The following THSD7B variants were observed in gnomAD, a reference collection of about 807,000 sequenced individuals.
THSD7B encodes thrombospondin type 1 domain containing 7B, also known as thrombospondin type-1 domain-containing protein 7B.
In THSD7B, 138 loss-of-function variants were observed where a neutral mutation model predicts 213.6. The observed-to-expected ratio is 0.65, with a 90% CI of 0.56 to 0.74. The LOEUF (loss-of-function observed/expected upper bound fraction) is 0.74, where lower values mean the gene tolerates loss of function less well. Ranked by LOEUF, THSD7B falls within the 30% of genes least tolerant of loss-of-function variation. The pLI, the probability that THSD7B is intolerant of heterozygous loss-of-function variation, is 0.00. For missense variants in THSD7B, 1,931 were observed against 1,991.5 expected, an observed-to-expected ratio of 0.97 and a Z score of 0.58; for synonymous variants, 742 against 687.0, an observed-to-expected ratio of 1.08 and a Z score of -1.25.
At chr2:136,929,847 A>G (rs1684598884) in intron 2 of THSD7B, among the ~76,000 whole-genome samples, 1 of 152,194 alleles carries the variant, frequency 6.6e-6, no homozygotes, top group Admixed American at 6.5e-5. Flanking sequence ...GCATGACTAG[A>G]TGAAGATGAC....
chr2:136,803,698 A>C (rs528888425), intron 1 of THSD7B, among the ~76,000 whole-genome samples: 20 of 152,340 alleles, frequency 1.3e-4, no homozygotes, highest in Middle Eastern at 3.4e-3. Context: ...GGAGCTGAGA[A>C]GTCTGACAAT....
chr2:136,833,473 T>TGACC (rs1682793740), intron 1 of THSD7B, among the ~76,000 whole-genome samples: 1 of 150,834 alleles, frequency 6.6e-6, no homozygotes, highest in African/African-American at 2.4e-5. Context: ...GTACTTTTAA[T>TGACC]GACCAATCTC....
At chr2:137,348,703 C>CTTTTTTTTTTTTTTTTTTT (rs80150345) in intron 12 of THSD7B, among the ~76,000 whole-genome samples, 7 of 110,934 alleles carry the variant, frequency 6.3e-5, no homozygotes, top group Non-Finnish European at 1.1e-4. Context: ...CTATGAACTC[C>CTTTTTTTTTTTTTTTTTTT]TTTTTTTTTT....
At chr2:137,023,698 A>G (rs908145918) in intron 2 of THSD7B, among the ~76,000 whole-genome samples, 7 of 152,154 alleles carry the variant, frequency 4.6e-5, no homozygotes, top group African/African-American at 1.7e-4. Flanking sequence ...GCCCGAGGAC[A>G]GGAGTCCTCA....
intron 17 of THSD7B, among the ~76,000 whole-genome samples, chr2:137,587,649 C>T (rs1448536296): frequency 6.6e-6 from 1 of 152,196 alleles, no homozygotes; most frequent in Non-Finnish European, 1.5e-5. Flanking sequence ...TGCAGAACAG[C>T]GAATATTGCT....
At chr2:137,306,559 T>G (rs1683751843) in intron 12 of THSD7B, among the ~76,000 whole-genome samples, 2 of 152,140 alleles carry the variant, frequency 1.3e-5, no homozygotes, top group African/African-American at 4.8e-5. Flanking sequence ...ATAAGATATT[T>G]TGTTCTTATT....
chr2:137,640,603 G>A (rs773859637), intron 20 of THSD7B, among the ~76,000 whole-genome samples: 2 of 152,058 alleles, frequency 1.3e-5, no homozygotes, highest in Admixed American at 6.6e-5. Context: ...ACCCAAACAA[G>A]GGACTTAAAT....
At chr2:137,127,928 G>T (rs1688657742) in intron 5 of THSD7B, among the ~76,000 whole-genome samples, 1 of 150,124 alleles carries the variant, frequency 6.7e-6, no homozygotes, top group South Asian at 2.1e-4. Context: ...AAAACAAAAC[G>T]AAACAAAATA....
chr2:137,578,748 G>C (rs1327544278), intron 17 of THSD7B, among the ~76,000 whole-genome samples: 5 of 152,156 alleles, frequency 3.3e-5, no homozygotes, highest in Non-Finnish European at 7.3e-5. Context: ...TAGGGACCTA[G>C]GTGGTTTTGG....
chr2:137,341,566 C>T (rs753058627), intron 12 of THSD7B, among the ~76,000 whole-genome samples: 2 of 151,138 alleles, frequency 1.3e-5, no homozygotes, highest in African/African-American at 2.4e-5. Context: ...TTTTATTTTT[C>T]CCCTACATTT....
chr2:137,663,429 C>A lies in THSD7B; in HGVS notation c.4505C>A (p.Ser1502Ter). 6.3e-7 allele frequency: 1 copy of A among 1,593,816 alleles called. No individual in the cohort carries two copies. Among genetic ancestry groups the A allele is most frequent in the Non-Finnish European group, 8.6e-7 (1 of 1,169,134 alleles). Residue 1502 changes from serine (S) to a stop codon, truncating the protein, a stop_gained, in exon 26 of 28, where the codon TCA becomes TAA. Coordinates refer to ENST00000409968, the MANE Select transcript of THSD7B (RefSeq NM_001316349.2). LOFTEE classifies it high-confidence loss of function. ...AAGGGCTATACAGAGATAATGAAAT[C>A]AAATGGTTTCCTGGATTACTGCATG... The part of the protein sequence containing the change: ...CEKGYTEIMK[S>*]NGFLDYCMKV...
intron 1 of THSD7B, among the ~76,000 whole-genome samples, chr2:136,832,528 A>G (rs1425297132): frequency 6.6e-6 from 1 of 152,168 alleles, no homozygotes; most frequent in Non-Finnish European, 1.5e-5. Context: ...AAATTCACTG[A>G]TGTAAATGCT....
intron 1 of THSD7B, among the ~76,000 whole-genome samples, chr2:136,777,853 G>A (rs546499694): frequency 3.8e-4 from 58 of 152,132 alleles, no homozygotes; most frequent in Non-Finnish European, 7.4e-4. Flanking sequence ...ATGCTTTATG[G>A]AAGAAACCCT....
chr2:137,319,466 A>G (rs545218400), intron 12 of THSD7B, among the ~76,000 whole-genome samples: 2 of 152,288 alleles, frequency 1.3e-5, no homozygotes, highest in South Asian at 2.1e-4. Flanking sequence ...CAATGTTTCA[A>G]TGAATATTGT....
intron 2 of THSD7B, among the ~76,000 whole-genome samples, chr2:136,981,960 G>A (rs11898760): frequency 0.076 from 11,524 of 152,252 alleles, 685 homozygotes; most frequent in African/African-American, 0.16. Context: ...GAACCACTAC[G>A]CAGGAGGCAC....
At chr2:137,271,388 TTATGA>T (rs1558737464) in intron 10 of THSD7B, among the ~76,000 whole-genome samples, 21 of 139,550 alleles carry the variant, frequency 1.5e-4, no homozygotes, top group African/African-American at 4.4e-4. Flanking sequence ...TATATATATA[TTATGA>T]ATTATATATA....
chr2:136,967,656 A>G, intron 2 of THSD7B, among the ~76,000 whole-genome samples: 1 of 152,218 alleles, frequency 6.6e-6, no homozygotes, highest in East Asian at 1.9e-4. Context: ...TGGTAAAATG[A>G]GCCCCAATCC....
chr2:137,674,947 CAAATT>C (rs1357834780), intron 27 of THSD7B, among the ~76,000 whole-genome samples: 1 of 152,164 alleles, frequency 6.6e-6, no homozygotes, highest in Non-Finnish European at 1.5e-5. Context: ...TTTTACTCCT[CAAATT>C]AAAACTTGAG....
At chr2:137,094,125 G>C (rs1298105221) in intron 3 of THSD7B, among the ~76,000 whole-genome samples, 1 of 152,072 alleles carries the variant, frequency 6.6e-6, no homozygotes, top group Non-Finnish European at 1.5e-5. Context: ...GCCTTTCTGA[G>C]CCTAAATTTC....
Sources: allele counts gnomAD v4.1 joint callset (sites outside exome capture counted in the v4.1 genomes callset), GRCh38; gene constraint gnomAD v4.1.1; transcripts MANE v1.5; gene names NCBI Gene and HGNC (gene_info 2026-07-23, HGNC 2026-07-21).